The following HELLS variants were observed in gnomAD, a reference collection of about 807,000 sequenced individuals.
The protein encoded by HELLS is lymphoid-specific helicase.
A neutral mutation model predicts 120.0 loss-of-function variants in HELLS; 32 were observed. The ratio of observed to expected loss-of-function variants is 0.27; its 90% CI spans 0.20 to 0.36. HELLS has a LOEUF of 0.36. Ranked by LOEUF, HELLS falls within the 10% of genes least tolerant of loss-of-function variation. HELLS has a pLI of 1.00. For missense variants in HELLS, 650 were observed against 993.4 expected (o/e 0.65, Z 4.65); for synonymous variants, 341 against 323.4 (o/e 1.05, Z -0.58).
At chr10:94,604,579 A>G (rs1846106592), downstream of HELLS, among the ~76,000 whole-genome samples, 1 of 151,388 alleles carries the variant, frequency 6.6e-6, no homozygotes, top group East Asian at 2.0e-4. Context: ...GCAAATGCTT[A>G]AAAATTCTTA....
chr10:94,555,368 C>A (rs1386401331), intron 3 of HELLS, among the ~76,000 whole-genome samples: 1 of 152,066 alleles, frequency 6.6e-6, no homozygotes, highest in African/African-American at 2.4e-5. Flanking sequence ...ACCCAGGAGG[C>A]GGAGGTTGCA....
At chr10:94,547,682 A>G (rs1025098228) in intron 2 of HELLS, among the ~76,000 whole-genome samples, 1 of 152,224 alleles carries the variant, frequency 6.6e-6, no homozygotes, top group African/African-American at 2.4e-5. Context: ...AATTGCTATT[A>G]TTGAACTACA....
chr10:94,564,187 G>A (rs1380154730), intron 6 of HELLS, among the ~76,000 whole-genome samples: 1 of 152,256 alleles, frequency 6.6e-6, no homozygotes, highest in Non-Finnish European at 1.5e-5. Flanking sequence ...TGCTTGTTAA[G>A]TACCTAGTGG....
intron 18 of HELLS, among the ~76,000 whole-genome samples, chr10:94,593,875 C>A (rs994170408): frequency 3.9e-5 from 6 of 151,944 alleles, no homozygotes; most frequent in African/African-American, 1.4e-4. Flanking sequence ...GTTGGCCAGG[C>A]TCTCTTGAAT....
chr10:94,613,443 A>G (rs186764999), exon 10 of HELLS: 1 of 152,230 alleles, frequency 6.6e-6, no homozygotes, highest in East Asian at 1.9e-4. Context: ...TTCGTTGTTA[A>G]TTTGTGTTTG....
chr10:94,558,468 A>G (rs533080496), intron 4 of HELLS, among the ~76,000 whole-genome samples: 12 of 152,352 alleles, frequency 7.9e-5, no homozygotes, highest in Admixed American at 6.5e-4. Context: ...AGAATCTGCA[A>G]ATTTAAACTT....
chr10:94,608,383 A>C (rs2134145201), intron 9 of HELLS, among the ~76,000 whole-genome samples: 1 of 152,268 alleles, frequency 6.6e-6, no homozygotes, highest in East Asian at 1.9e-4. Flanking sequence ...TTAGCACTTT[A>C]AATTCTTCTA....
intron 10 of HELLS, 33 bp downstream of exon 10, chr10:94,576,838 A>G (rs750761510): frequency 6.5e-7 from 1 of 1,536,120 alleles, no homozygotes; most frequent in South Asian, 1.3e-5. Flanking sequence ...TCTTTGTAAT[A>G]CATAAAACAT....
chr10:94,554,851 T>C (rs1589703901), intron 3 of HELLS, among the ~76,000 whole-genome samples: 2 of 152,040 alleles, frequency 1.3e-5, no homozygotes, highest in South Asian at 4.2e-4. Flanking sequence ...TTATGAGGTC[T>C]TCATTAAAAA....
intron 6 of HELLS, among the ~76,000 whole-genome samples, chr10:94,566,022 A>G (rs1843779688): frequency 6.6e-6 from 1 of 152,044 alleles, no homozygotes; most frequent in Non-Finnish European, 1.5e-5. Context: ...ACTCCCCAGT[A>G]GCAGGGACTA....
intron 19 of HELLS, among the ~76,000 whole-genome samples, chr10:94,595,107 A>G (rs1845678134): frequency 6.6e-6 from 1 of 151,970 alleles, no homozygotes; most frequent in Admixed American, 6.6e-5. Context: ...GGGCGCCTGT[A>G]ATCCCAGCTA....
intron 2 of HELLS, among the ~76,000 whole-genome samples, chr10:94,548,124 A>T (rs1842825047): frequency 6.6e-6 from 1 of 152,118 alleles, no homozygotes; most frequent in Non-Finnish European, 1.5e-5. Flanking sequence ...TTGTTTCTTG[A>T]GGGTGCATCA....
At chr10:94,602,960 G>A (rs1846081503), downstream of HELLS, among the ~76,000 whole-genome samples, 1 of 152,080 alleles carries the variant, frequency 6.6e-6, no homozygotes, top group Admixed American at 6.5e-5. Flanking sequence ...GTTTTACTCT[G>A]TCATTGCACG....
At chr10:94,606,626 A>G (rs1255381593), downstream of HELLS, among the ~76,000 whole-genome samples, 1 of 152,138 alleles carries the variant, frequency 6.6e-6, no homozygotes, top group Non-Finnish European at 1.5e-5. Context: ...TTGGTATTAT[A>G]TGTATGAGCC....
chr10:94,612,948 A>T (rs1376942987), exon 10 of HELLS: 1 of 152,164 alleles, frequency 6.6e-6, no homozygotes, highest in Non-Finnish European at 1.5e-5. Flanking sequence ...GGGATTGTAT[A>T]TTTGACAACT....
exon 10 of HELLS, chr10:94,611,444 ATAAT>A (rs1846193286): frequency 1.3e-5 from 2 of 152,220 alleles, no homozygotes; most frequent in African/African-American, 4.8e-5. Flanking sequence ...ATAATAATTA[ATAAT>A]TAGTAATTCA....
chr10:94,572,271 C>G (rs1302348343), intron 7 of HELLS, among the ~76,000 whole-genome samples: 2 of 58,246 alleles, frequency 3.4e-5, no homozygotes, highest in Non-Finnish European at 8.1e-5. Flanking sequence ...TTATAACTTA[C>G]AGTCAGTAAG....
At chr10:94,593,385 GT>G (rs769771772) in intron 17 of HELLS, 113 bp from the exon 18 acceptor site, 2 of 642,868 alleles carry the variant, frequency 3.1e-6, no homozygotes, top group Non-Finnish European at 5.6e-6. Context: ...TGAATGATTT[GT>G]TTGGCCTCCT....
downstream of HELLS, among the ~76,000 whole-genome samples, chr10:94,606,208 G>A (rs1202735450): frequency 2.0e-5 from 3 of 151,592 alleles, no homozygotes; most frequent in African/African-American, 7.3e-5. Context: ...CCATCTTTAT[G>A]TTGTGTATCT....
Sources: gnomAD v4.1 joint callset for allele counts (sites outside exome capture counted in the v4.1 genomes callset) on GRCh38, gnomAD v4.1.1 for gene constraint, MANE v1.5 for transcripts, NCBI Gene and HGNC (gene_info 2026-07-23, HGNC 2026-07-21) for gene names.